LSAMP: variants seen among roughly 807,000 people sequenced by gnomAD.
The protein encoded by LSAMP is limbic system associated membrane protein.
In LSAMP, 7 loss-of-function variants were observed where a neutral mutation model predicts 38.6. That is an observed-to-expected ratio of 0.18 (90% CI 0.10 to 0.34). LSAMP has a LOEUF of 0.34. Among genes scored for constraint, LSAMP ranks in the 10% least tolerant of loss-of-function variants. The pLI is 1.00. For missense variants in LSAMP, 313 were observed against 420.0 expected (o/e 0.75, Z 2.23); for synonymous variants, 154 against 166.8 (o/e 0.92, Z 0.59).
intron 1 of LSAMP, among the ~76,000 whole-genome samples, chr3:116,362,729 T>C (rs1330539509): frequency 9.2e-6 from 1 of 108,920 alleles, no homozygotes; most frequent in Non-Finnish European, 1.7e-5. Context: ...CTCAACTACC[T>C]GGAAACTGAA....
intron 1 of LSAMP, among the ~76,000 whole-genome samples, chr3:116,250,698 CA>C (rs3974284): frequency 1.2e-4 from 17 of 141,854 alleles, no homozygotes; most frequent in African/African-American, 2.3e-4. Flanking sequence ...CTTGTATCTA[CA>C]AAAAAAAAAA....
chr3:116,025,708 C>T (rs1940775010), intron 2 of LSAMP, among the ~76,000 whole-genome samples: 1 of 152,006 alleles, frequency 6.6e-6, no homozygotes, highest in African/African-American at 2.4e-5. Context: ...AGTGCATATA[C>T]TCTTTTGGTT....
intron 1 of LSAMP, among the ~76,000 whole-genome samples, chr3:116,364,233 G>A (rs1168895009): frequency 3.1e-5 from 1 of 32,544 alleles, no homozygotes; most frequent in East Asian, 6.3e-4. Flanking sequence ...CAAACAGAGA[G>A]CCAAATCATG....
At chr3:115,953,495 T>G (rs1291152025) in intron 3 of LSAMP, among the ~76,000 whole-genome samples, 1 of 151,754 alleles carries the variant, frequency 6.6e-6, no homozygotes, top group Non-Finnish European at 1.5e-5. Context: ...AATTTGGGGT[T>G]TTCTGCAATA....
At chr3:115,818,718 G>A (rs1262631223) in intron 6 of LSAMP, among the ~76,000 whole-genome samples, 1 of 138,938 alleles carries the variant, frequency 7.2e-6, no homozygotes, top group African/African-American at 2.6e-5. Flanking sequence ...TCATGGCATT[G>A]CAAGTCCAAA....
intron 1 of LSAMP, among the ~76,000 whole-genome samples, chr3:116,430,150 C>G (rs1190082564): frequency 2.6e-5 from 4 of 152,018 alleles, no homozygotes; most frequent in African/African-American, 7.3e-5. Context: ...ACTGCTCTAC[C>G]CAGAAAGATG....
chr3:116,349,130 T>G, intron 1 of LSAMP, among the ~76,000 whole-genome samples: 1 of 152,050 alleles, frequency 6.6e-6, no homozygotes, highest in East Asian at 1.9e-4. Flanking sequence ...TTAGTGGATT[T>G]AAAGTGTTTA....
intron 1 of LSAMP, among the ~76,000 whole-genome samples, chr3:116,103,186 C>G (rs1708385888): frequency 6.6e-6 from 1 of 151,874 alleles, no homozygotes; most frequent in African/African-American, 2.4e-5. Context: ...ACAGTGTAGA[C>G]TGGGCACAGT....
At chr3:116,219,435 T>C (rs990429883) in intron 1 of LSAMP, among the ~76,000 whole-genome samples, 3 of 152,212 alleles carry the variant, frequency 2.0e-5, no homozygotes, top group East Asian at 1.9e-4. Context: ...TAGTATCTCT[T>C]TGAGATCTTG....
intron 1 of LSAMP, among the ~76,000 whole-genome samples, chr3:116,180,183 C>T (rs758018248): frequency 2.0e-5 from 3 of 152,016 alleles, no homozygotes; most frequent in South Asian, 2.1e-4. Context: ...GGGGTATATC[C>T]GTGCATTACA....
chr3:116,101,196 C>T (rs1467696864), intron 1 of LSAMP, among the ~76,000 whole-genome samples: 2 of 152,120 alleles, frequency 1.3e-5, no homozygotes, highest in East Asian at 1.9e-4. Context: ...CTCTGATGTA[C>T]CTTGAAGGTG....
chr3:116,143,161 T>C (rs1024863891), intron 1 of LSAMP, among the ~76,000 whole-genome samples: 3 of 151,786 alleles, frequency 2.0e-5, no homozygotes, highest in African/African-American at 7.2e-5. Context: ...TTCAGTAAGT[T>C]AGAAACGCCT....
chr3:116,301,926 T>A (rs1158515668), intron 1 of LSAMP, among the ~76,000 whole-genome samples: 1 of 152,182 alleles, frequency 6.6e-6, no homozygotes. Context: ...TGTGTGGACG[T>A]GGTAAAAATT....
At chr3:116,041,813 A>AAC (rs1553762508) in intron 2 of LSAMP, among the ~76,000 whole-genome samples, 2 of 149,074 alleles carry the variant, frequency 1.3e-5, no homozygotes, top group Non-Finnish European at 3.0e-5. Context: ...AAACAAAACA[A>AAC]AACAAAAAAA....
chr3:115,921,874 C>T (rs755411736), intron 3 of LSAMP, among the ~76,000 whole-genome samples: 1 of 152,082 alleles, frequency 6.6e-6, no homozygotes, highest in Non-Finnish European at 1.5e-5. Flanking sequence ...CATAGGTCAT[C>T]TCACACTCTT....
At chr3:116,069,100 T>G (rs531945628) in intron 2 of LSAMP, among the ~76,000 whole-genome samples, 1 of 152,290 alleles carries the variant, frequency 6.6e-6, no homozygotes, top group Admixed American at 6.5e-5. Context: ...TCTATTACAC[T>G]TAGAATATCC....
Position 116,072,508 on chromosome 3 carries a change from CA to C in LSAMP, c.388+13815del, listed in dbSNP as rs148855830. Among the ~76,000 whole-genome samples, 385 of 152,280 alleles carry C rather than the reference CA, an allele frequency of 2.5e-3. 1 individual carries two copies. Among genetic ancestry groups the C allele is most frequent in the African/African-American group, 8.9e-3 (371 of 41,550 alleles). On this transcript the variant is annotated intron_variant, in intron 2 of 6. Transcript: ENST00000490035. The stretch of plus-strand genomic sequence containing the variant: ...CACAGTGATTGGACTGATTTATACT[CA>C]CCCCAACAGTGTAAAAGTTTTCCTT...
intron 3 of LSAMP, among the ~76,000 whole-genome samples, chr3:116,003,389 C>T (rs994450064): frequency 2.0e-5 from 3 of 152,152 alleles, no homozygotes; most frequent in Non-Finnish European, 2.9e-5. Flanking sequence ...GATCTAATTA[C>T]ATTTGATTTC....
At chr3:116,294,670 A>T (rs1483782087) in intron 1 of LSAMP, among the ~76,000 whole-genome samples, 6 of 151,850 alleles carry the variant, frequency 4.0e-5, no homozygotes, top group Non-Finnish European at 3.0e-5. Context: ...CGCCATTTAA[A>T]TTTAAATATT....
Sources: gnomAD v4.1 joint callset for allele counts (sites outside exome capture counted in the v4.1 genomes callset) on GRCh38, gnomAD v4.1.1 for gene constraint, MANE v1.5 for transcripts, NCBI Gene and HGNC (gene_info 2026-07-23, HGNC 2026-07-21) for gene names.